KCP: variants seen among roughly 807,000 people sequenced by gnomAD.
KCP encodes kielin/chordin-like protein.
Under a neutral mutation model 212.7 loss-of-function variants are expected in KCP, and 194 were observed. The observed-to-expected ratio is 0.91, with a 90% CI of 0.81 to 1.03. The LOEUF is 1.03. Ranked by LOEUF, KCP falls within the 50% of genes least tolerant of loss-of-function variation. KCP has a pLI of 0.00. For missense variants in KCP, 2,080 were observed against 2,162.5 expected (o/e 0.96, Z 0.76); for synonymous variants, 833 against 865.3 (o/e 0.96, Z 0.65).
chr7:128,902,002 T>G (rs1794877465), intron 8 of KCP, among the ~76,000 whole-genome samples: 2 of 152,254 alleles, frequency 1.3e-5, no homozygotes, highest in African/African-American at 4.8e-5. Context: ...AGATCTGTGC[T>G]GCCCGGTAGA....
chr7:128,879,813 C>G lies in KCP; in HGVS notation c.3949G>C (p.Asp1317His). ...GCCACACCGCTCCGGCCCCGGTCAT[C>G]ATTGGTCACGTGCACACTGTGGGCA... is the stretch of plus-strand genomic sequence containing the variant. ...SGDFSVHVTN[D>H]DRGRSGVAWT... Residue 1317 changes from aspartate (D) to histidine (H), a missense_variant, in exon 36 of 40, where the codon GAT (aspartate) becomes CAT (histidine). By Grantham distance (81) the Asp-to-His change is moderately conservative. Coordinates refer to ENST00000610776, the MANE Select transcript of KCP (RefSeq NM_001366122.1). 1.3e-6 allele frequency: 2 copies of G among 1,550,950 alleles called. No homozygotes were observed. The highest frequency in any genetic ancestry group is 1.7e-6 in the Non-Finnish European group (2 of 1,146,972).
At position 128,877,235 on chromosome 7, in the gene KCP, C is replaced by T; in HGVS notation, c.4695G>A (p.Gln1565=). The change falls in exon 40 of 40, where the codon CAG becomes CAA. Residue 1565 remains glutamine (Q), a synonymous_variant. Coordinates refer to ENST00000610776, the MANE Select transcript of KCP (RefSeq NM_001366122.1). ...GPPCPRTCFN[Q]HIPLGELAAH... ...CTGCCAGCTCCCCCAGGGGGATATG[C>T]TGATTGAAGCAGGTGCGGGGACAGG... The T allele has an allele frequency of 2.0e-6, 3 of 1,483,148 alleles. No homozygotes were observed. The highest frequency in any genetic ancestry group is 1.9e-4 in the Middle Eastern group (1 of 5,288). 91.9% of individuals were successfully genotyped at this position (1,483,148 alleles called of 1,614,324 possible).
Position 128,908,476 on chromosome 7 carries a change from G to A in KCP, c.169C>T (p.Arg57Ter), listed in dbSNP as rs559013736. The A allele has an allele frequency of 2.2e-5, 34 of 1,551,906 alleles. 1 individual carries two copies. In the South Asian group the frequency reaches 2.5e-4, roughly 11 times the overall value. The change falls in exon 2 of 40, where the codon CGA becomes TGA. Residue 57 changes from arginine to a stop codon, truncating the protein, a stop_gained. Transcript: ENST00000610776. LOFTEE classifies it high-confidence loss of function. ...GNSQEQWHPLREWLGRLEAAV... is the reference protein window; with the variant it reads ...GNSQEQWHPL ...GCCTCCAGTCGCCCCAGCCACTCTC[G>A]CAGGGGGTGCCACTGCTCCTGGGAG...
At position 128,890,891 on chromosome 7, in the gene KCP, C is replaced by T. The variant is rs1794073130; in HGVS notation, c.2164+14G>A. 5 of 1,248,528 alleles carry T rather than the reference C, an allele frequency of 4.0e-6. No homozygotes were observed. In the South Asian group the frequency reaches 1.1e-4, roughly 28 times the overall value. The allele number at this position is 1,248,528 out of a possible 1,614,324, so 77.3% of individuals were successfully genotyped here. A position where few individuals can be genotyped will look rare whatever the true frequency, so the allele number is the denominator to read the frequency against. On this transcript the variant is annotated intron_variant, in intron 20 of 39. Coordinates refer to ENST00000610776, the MANE Select transcript of KCP (RefSeq NM_001366122.1). Reference sequence around the variant, plus strand: ...GGACGCGGGTGGCCGGGAGGGGCACCGCCAGGGCGTTACCGTCGCAGGAGG... The same window carrying T: ...GGACGCGGGTGGCCGGGAGGGGCACTGCCAGGGCGTTACCGTCGCAGGAGG...
At chr7:128,906,226 G>T in intron 5 of KCP, 53 bp downstream of exon 5, 1 of 1,420,180 alleles carries the variant, frequency 7.0e-7, no homozygotes, top group Middle Eastern at 1.7e-4. Flanking sequence ...GGCTGTGTCT[G>T]TGGGCCAGAG....
chr7:128,893,317 A>G lies in KCP; in HGVS notation c.1188T>C (p.Ala396=), dbSNP rs1434745963. The G allele has an allele frequency of 1.3e-6, 2 of 1,551,580 alleles. No homozygotes were observed. Among genetic ancestry groups the G allele is most frequent in the Admixed American group, 3.9e-5 (2 of 51,002 alleles). ...RGLCVRCSCQ[A]GEVSCEEQEC... ...CCTGCTCCTCACAGGAGACCTCGCC[A>G]GCCTAGGAGGGAAGCAGGTGAGACA... Residue 396 remains alanine (A), a splice_region_variant and synonymous_variant, in exon 13 of 40, where the codon GCT becomes GCC. Coordinates refer to ENST00000610776, the MANE Select transcript of KCP (RefSeq NM_001366122.1).
At chr7:128,888,775 G>A (rs1284024748) in intron 22 of KCP, 88 bp downstream of exon 22, 11 of 1,274,460 alleles carry the variant, frequency 8.6e-6, no homozygotes, top group Non-Finnish European at 9.7e-6. Flanking sequence ...GCGGCAGGCA[G>A]TGGGAGGGCT....
At chr7:128,887,494 C>T (rs937536421) in intron 22 of KCP, among the ~76,000 whole-genome samples, 194 bp from the exon 23 acceptor site, 3 of 149,310 alleles carry the variant, frequency 2.0e-5, no homozygotes, top group East Asian at 2.0e-4. Context: ...CATACATACA[C>T]GCATATACAC....
In KCP at chr7:128,892,610, G is replaced by T. The variant is rs1380251308; in HGVS notation, c.1528-3C>A. The T allele has an allele frequency of 1.9e-6, 3 of 1,551,086 alleles. No individual in the cohort carries two copies. In the African/African-American group the frequency reaches 4.1e-5, roughly 21 times the overall value. On this transcript the variant is annotated splice_region_variant and splice_polypyrimidine_tract_variant and intron_variant, in intron 15 of 39. Transcript: ENST00000610776. Reference sequence around the variant, plus strand: ...AAGGAGCATGTCACAGTTCCATCCTGCGAGAGAGCAGGGGAGAGAGCAATC... The same window carrying T: ...AAGGAGCATGTCACAGTTCCATCCTTCGAGAGAGCAGGGGAGAGAGCAATC...
At chr7:128,881,869 G>A in intron 30 of KCP, 68 bp downstream of exon 30, 1 of 1,468,178 alleles carries the variant, frequency 6.8e-7, no homozygotes, top group Non-Finnish European at 9.3e-7. Context: ...CGGGAGAGGA[G>A]TGGCAGCCAC....
At chr7:128,881,529 C>A in intron 31 of KCP, 97 bp downstream of exon 31, 1 of 797,720 alleles carries the variant, frequency 1.3e-6, no homozygotes. Flanking sequence ...AAACCGAGTA[C>A]AAACCCTGGG....
At chr7:128,899,612 T>C (rs949546414) in intron 8 of KCP, among the ~76,000 whole-genome samples, 3 of 152,254 alleles carry the variant, frequency 2.0e-5, no homozygotes, top group African/African-American at 7.2e-5. Flanking sequence ...TATTTACAGC[T>C]TTTGGCAATT....
intron 37 of KCP, 112 bp from the exon 38 acceptor site, chr7:128,878,834 G>A (rs1793147390): frequency 6.4e-6 from 7 of 1,101,668 alleles, no homozygotes; most frequent in Non-Finnish European, 8.8e-6. Context: ...CTGTAGGGGA[G>A]GAGAATGGAC....
chr7:128,904,518 G>T (rs976879058), intron 5 of KCP: 50 of 688,434 alleles, frequency 7.3e-5, no homozygotes, highest in Non-Finnish European at 1.1e-4. Context: ...GGCCTAGCAG[G>T]CTTCAGCCCT....
chr7:128,878,799 G>C, intron 37 of KCP, 77 bp from the exon 38 acceptor site: 1 of 1,427,194 alleles, frequency 7.0e-7, no homozygotes, highest in Non-Finnish European at 9.4e-7. Context: ...CATGGCCCCA[G>C]GCACTGTGTT....
At chr7:128,894,804 C>T (rs1794418843) in intron 8 of KCP, among the ~76,000 whole-genome samples, 1 of 152,194 alleles carries the variant, frequency 6.6e-6, no homozygotes, top group Admixed American at 6.5e-5. Flanking sequence ...GATGGGGTTT[C>T]ACCATGTTGG....
chr7:128,885,157 A>G lies in KCP; in HGVS notation c.2980T>C (p.Cys994Arg). The G allele has an allele frequency of 6.4e-7, 1 of 1,550,796 alleles. No homozygotes were observed. Among genetic ancestry groups the G allele is most frequent in the Middle Eastern group, 1.7e-4 (1 of 5,988 alleles). The change falls in exon 27 of 40, where the codon TGC becomes CGC. Residue 994 changes from cysteine to arginine, a missense_variant. Cys to Arg is a radical substitution (Grantham distance 180, BLOSUM62 -3). Coordinates refer to ENST00000610776, the MANE Select transcript of KCP (RefSeq NM_001366122.1). ...CGGGGCTGGGCGCAAGAGCTGATGC[A>G]CTGGATGCGTGCACAGGTGACGACG... ...EGVVTCARIQ[C>R]ISSCAQPRQG...
chr7:128,892,657 C>T (rs1392939993), intron 15 of KCP, 31 bp downstream of exon 15: 1 of 1,551,064 alleles, frequency 6.4e-7, no homozygotes, highest in African/African-American at 1.4e-5. Context: ...AGGAGGGGCT[C>T]AGCAGGGCAG....
intron 27 of KCP, 102 bp from the exon 28 acceptor site, chr7:128,884,965 A>G (rs1793555807): frequency 1.4e-6 from 2 of 1,475,150 alleles, no homozygotes; most frequent in African/African-American, 1.4e-5. Flanking sequence ...GATCCCAGGG[A>G]GTGGAGTGTG....
Sources: gnomAD v4.1 joint callset for allele counts (sites outside exome capture counted in the v4.1 genomes callset) on GRCh38, gnomAD v4.1.1 for gene constraint, MANE v1.5 for transcripts, NCBI Gene and HGNC (gene_info 2026-07-23, HGNC 2026-07-21) for gene names.